TNS1: variants seen among roughly 807,000 people sequenced by gnomAD.
TNS1 encodes tensin-1.
Under a neutral mutation model 168.6 loss-of-function variants are expected in TNS1, and 62 were observed. The observed-to-expected ratio is 0.37, with a 90% CI of 0.30 to 0.45. The LOEUF is 0.45. Ranked by LOEUF, TNS1 falls within the 20% of genes least tolerant of loss-of-function variation. The pLI, the probability that TNS1 is intolerant of heterozygous loss-of-function variation, is 1.00. For missense variants in TNS1, 2,240 were observed against 2,339.4 expected (o/e 0.96, Z 0.88); for synonymous variants, 934 against 933.2 (o/e 1.00, Z -0.02).
Position 217,892,955 on chromosome 2 carries a change from A to C in TNS1, c.775T>G (p.Ser259Ala). The C allele has an allele frequency of 6.2e-7, 1 of 1,614,176 alleles. No individual in the cohort carries two copies. Among genetic ancestry groups the C allele is most frequent in the Non-Finnish European group, 8.5e-7 (1 of 1,180,010 alleles). Residue 259 changes from serine (S) to alanine (A), a missense_variant, in exon 11 of 33, where the codon TCT (serine) becomes GCT (alanine). Transcript: ENST00000682258. ...IAAYMHYSNI[S>A]ASADQALDRF... ...GCTCCAGGCCCCTCTTACCTGGCAG[A>C]AATGTTGCTGTAGTGCATGTAAGCC...
chr2:217,892,601 C>T (rs1194171390), intron 11 of TNS1, among the ~76,000 whole-genome samples: 1 of 152,182 alleles, frequency 6.6e-6, no homozygotes, highest in Non-Finnish European at 1.5e-5. Context: ...CAGATCTGAT[C>T]CGACATTTCT....
intron 6 of TNS1, among the ~76,000 whole-genome samples, chr2:217,902,799 GCTGGGA>G (rs1559331309): frequency 6.6e-6 from 1 of 152,204 alleles, no homozygotes; most frequent in Non-Finnish European, 1.5e-5. Context: ...GGGACGAACA[GCTGGGA>G]CTGTCATCCC....
chr2:217,863,057 G>A (rs532836788), intron 18 of TNS1, among the ~76,000 whole-genome samples: 1 of 152,004 alleles, frequency 6.6e-6, no homozygotes, highest in East Asian at 2.0e-4. Flanking sequence ...CCCCTCCAAG[G>A]CTTAGTCCCT....
chr2:217,893,639 C>G, intron 9 of TNS1, 78 bp from the exon 10 acceptor site: 6 of 1,516,804 alleles, frequency 4.0e-6, no homozygotes, highest in Non-Finnish European at 5.3e-6. Context: ...ACCTACGCCA[C>G]GTGCCAGTAC....
At chr2:217,895,707 T>G (rs900650935) in intron 8 of TNS1, among the ~76,000 whole-genome samples, 2 of 152,160 alleles carry the variant, frequency 1.3e-5, no homozygotes, top group Non-Finnish European at 2.9e-5. Flanking sequence ...GCCTGACCAC[T>G]GGGGTCCCAT....
intron 12 of TNS1, among the ~76,000 whole-genome samples, chr2:217,888,044 G>A (rs990361054): frequency 5.9e-5 from 9 of 152,206 alleles, no homozygotes; most frequent in African/African-American, 1.7e-4. Flanking sequence ...CCAAGCCTGT[G>A]GGCCTCTGTC....
chr2:217,968,411 A>G (rs1450756912), intron 3 of TNS1, among the ~76,000 whole-genome samples: 1 of 152,210 alleles, frequency 6.6e-6, no homozygotes, highest in African/African-American at 2.4e-5. Flanking sequence ...CTTAAATACT[A>G]TTAGAATTAA....
intron 12 of TNS1, chr2:217,890,596 C>G (rs1321552531): frequency 8.6e-6 from 2 of 233,358 alleles, no homozygotes; most frequent in African/African-American, 2.3e-5. Context: ...GGCAGTGATG[C>G]AGTCTCCCGT....
chr2:217,958,911 A>G lies in TNS1; in HGVS notation c.186+19854T>C, dbSNP rs150767183. ...GGAGAATGAGGAACTCAAACCTTCT[A>G]CAAGGTTCTCAGCACCTGGAGATCC... is the stretch of plus-strand genomic sequence containing the variant. On this transcript the variant is annotated intron_variant, in intron 3 of 32. Coordinates refer to ENST00000682258, the MANE Select transcript of TNS1 (RefSeq NM_001387777.1). Among the ~76,000 whole-genome samples the G allele has an allele frequency of 2.3e-3, 358 of 152,348 alleles. 1 individual carries two copies. Among genetic ancestry groups the G allele is most frequent in the African/African-American group, 8.3e-3 (347 of 41,580 alleles).
chr2:218,027,818 T>C (rs1442020959), intron 1 of TNS1, among the ~76,000 whole-genome samples: 1 of 152,028 alleles, frequency 6.6e-6, no homozygotes, highest in Non-Finnish European at 1.5e-5. Flanking sequence ...AGGTGAGGAT[T>C]CAGAGGCTTC....
chr2:217,966,010 C>CCTCT (rs149861821), intron 3 of TNS1, among the ~76,000 whole-genome samples: 1 of 151,372 alleles, frequency 6.6e-6, no homozygotes, highest in Non-Finnish European at 1.5e-5. Context: ...ACTTTCCTCT[C>CCTCT]CTCTCTCTCT....
intron 22 of TNS1, among the ~76,000 whole-genome samples, chr2:217,829,318 G>A (rs2125264018): frequency 6.6e-6 from 1 of 152,288 alleles, no homozygotes; most frequent in Non-Finnish European, 1.5e-5. Flanking sequence ...CTGGGAGGCA[G>A]AGGTTGCAGT....
At chr2:217,923,854 G>A (rs1369545506) in intron 3 of TNS1, among the ~76,000 whole-genome samples, 7 of 152,198 alleles carry the variant, frequency 4.6e-5, no homozygotes, top group Non-Finnish European at 1.0e-4. Flanking sequence ...TGGAAGGTGA[G>A]CATGGTAGCC....
intron 3 of TNS1, among the ~76,000 whole-genome samples, chr2:217,976,988 G>A (rs1027218046): frequency 5.9e-5 from 9 of 152,174 alleles, no homozygotes; most frequent in African/African-American, 9.7e-5. Context: ...AACGTGGGGC[G>A]CCTCAGTTTC....
chr2:217,900,003 A>G (rs1004688000), intron 7 of TNS1, among the ~76,000 whole-genome samples: 28 of 152,112 alleles, frequency 1.8e-4, no homozygotes, highest in Non-Finnish European at 1.3e-4. Context: ...CAGCCCAGCC[A>G]GATAGGGAAC....
At chr2:218,003,889 G>A (rs114777070), upstream of TNS1, among the ~76,000 whole-genome samples, 4,677 of 143,654 alleles carry the variant, frequency 0.033, 219 homozygotes, top group African/African-American at 0.1. Context: ...CCCTCCCCTC[G>A]CCCCCACCTC....
chr2:217,817,887 C>T lies in TNS1; in HGVS notation c.4445G>A (p.Arg1482Gln), dbSNP rs765466438. Residue 1482 changes from arginine to glutamine, a missense_variant, in exon 24 of 33, where the codon CGG (arginine) becomes CAG (glutamine). Coordinates refer to ENST00000682258, the MANE Select transcript of TNS1 (RefSeq NM_001387777.1). ...TSPSPDSAAF[R>Q]QGSPTPALPE... The stretch of plus-strand genomic sequence containing the variant: ...CAAGGCTGGTGTTGGGCTCCCTTGC[C>T]GGAAGGCTGCGGAGTCTGGTGACGG... The T allele has an allele frequency of 8.7e-6, 14 of 1,613,978 alleles. 1 individual carries two copies. The East Asian group carries it at 8.9e-5, about 10-fold the overall frequency.
At chr2:217,955,959 G>A (rs1957351358) in intron 3 of TNS1, among the ~76,000 whole-genome samples, 2 of 152,258 alleles carry the variant, frequency 1.3e-5, no homozygotes, top group South Asian at 4.2e-4. Flanking sequence ...TCTGGGGGTT[G>A]TTCTGGGGCC....
intron 16 of TNS1, among the ~76,000 whole-genome samples, chr2:217,883,350 G>A (rs1559295264): frequency 6.6e-6 from 1 of 150,806 alleles, no homozygotes; most frequent in Non-Finnish European, 1.5e-5. Flanking sequence ...CTGCAGCCTT[G>A]AACTCCTGGG....
Sources: gnomAD v4.1 joint callset for allele counts (sites outside exome capture counted in the v4.1 genomes callset) on GRCh38, gnomAD v4.1.1 for gene constraint, MANE v1.5 for transcripts, NCBI Gene and HGNC (gene_info 2026-07-23, HGNC 2026-07-21) for gene names.